Variants in NRG1 observed in about 807,000 individuals in gnomAD.
NRG1 encodes neuregulin 1.
Under a neutral mutation model 63.8 loss-of-function variants are expected in NRG1, and 18 were observed. That is an observed-to-expected ratio of 0.28 (90% CI 0.19 to 0.42). NRG1 has a LOEUF of 0.42. Ranked by LOEUF, NRG1 falls within the 10% of genes least tolerant of loss-of-function variation. NRG1 has a pLI of 1.00. For synonymous variants in NRG1, 302 were observed against 301.3 expected (o/e 1.00, Z -0.02); for missense variants, 762 against 814.7 (o/e 0.94, Z 0.79).
intron 1 of NRG1, among the ~76,000 whole-genome samples, chr8:31,766,082 C>G (rs1384433954): frequency 6.6e-6 from 1 of 151,942 alleles, no homozygotes; most frequent in Non-Finnish European, 1.5e-5. Context: ...TGAGAACATA[C>G]GAAGCCTACA....
intron 1 of NRG1, among the ~76,000 whole-genome samples, chr8:32,528,948 G>T (rs551062107): frequency 6.6e-6 from 1 of 152,268 alleles, no homozygotes. Context: ...ATTTGACAAC[G>T]ATAGCTTTAT....
chr8:32,423,588 G>A (rs575801243), intron 1 of NRG1, among the ~76,000 whole-genome samples: 110 of 152,204 alleles, frequency 7.2e-4, no homozygotes, highest in African/African-American at 2.6e-3. Context: ...GGAGGCTGCA[G>A]TGAGCCATGT....
At chr8:32,056,926 C>G (rs1823043119) in intron 1 of NRG1, among the ~76,000 whole-genome samples, 1 of 152,114 alleles carries the variant, frequency 6.6e-6, no homozygotes. Flanking sequence ...TTGGGAAATG[C>G]AGGTACTTTT....
intron 1 of NRG1, among the ~76,000 whole-genome samples, chr8:31,888,041 A>G (rs2129613578): frequency 6.6e-6 from 1 of 151,870 alleles, no homozygotes; most frequent in Non-Finnish European, 1.5e-5. Flanking sequence ...TATGTTACAT[A>G]TCAATATATA....
chr8:32,069,675 C>G (rs1486454617), intron 1 of NRG1, among the ~76,000 whole-genome samples: 3 of 152,046 alleles, frequency 2.0e-5, no homozygotes, highest in Non-Finnish European at 2.9e-5. Flanking sequence ...TGCTTGTGAC[C>G]CTGAGACTAG....
At chr8:32,380,134 C>A (rs1262298270) in intron 1 of NRG1, among the ~76,000 whole-genome samples, 1 of 152,076 alleles carries the variant, frequency 6.6e-6, no homozygotes, top group Admixed American at 6.6e-5. Flanking sequence ...AGTCACTTTT[C>A]TGTTCTTATT....
intron 1 of NRG1, among the ~76,000 whole-genome samples, chr8:32,446,620 A>G (rs945530900): frequency 6.6e-6 from 1 of 151,542 alleles, no homozygotes; most frequent in African/African-American, 2.4e-5. Flanking sequence ...GTGCCCCTGC[A>G]CTCCAACCTG....
intron 1 of NRG1, among the ~76,000 whole-genome samples, chr8:31,905,808 T>A (rs1401598209): frequency 6.6e-6 from 1 of 152,216 alleles, no homozygotes; most frequent in East Asian, 1.9e-4. Flanking sequence ...TTCTGTTCAT[T>A]GATCAACTAA....
intron 1 of NRG1, among the ~76,000 whole-genome samples, chr8:31,995,386 T>A (rs1811797093): frequency 6.6e-6 from 1 of 152,014 alleles, no homozygotes; most frequent in Non-Finnish European, 1.5e-5. Context: ...CAAAGGACTA[T>A]AATCCTGCAG....
At chr8:32,404,312 C>T (rs558572254) in intron 1 of NRG1, among the ~76,000 whole-genome samples, 1 of 152,156 alleles carries the variant, frequency 6.6e-6, no homozygotes, top group East Asian at 1.9e-4. Context: ...ATAGCAACCA[C>T]CTGATCTGCA....
upstream of NRG1, among the ~76,000 whole-genome samples, chr8:32,547,410 T>C (rs1833184421): frequency 1.3e-5 from 2 of 152,170 alleles, no homozygotes; most frequent in Non-Finnish European, 2.9e-5. Context: ...TCGGCAGAAC[T>C]GAGTGACTTT....
chr8:32,642,398 C>T (rs1016558321), intron 5 of NRG1, among the ~76,000 whole-genome samples: 5 of 149,782 alleles, frequency 3.3e-5, no homozygotes, highest in African/African-American at 1.2e-4. Context: ...TGAACATGTA[C>T]CCCAATAAAT....
chr8:32,272,901 GGAA>G (rs1033678942), intron 1 of NRG1, among the ~76,000 whole-genome samples: 1 of 152,086 alleles, frequency 6.6e-6, no homozygotes, highest in Admixed American at 6.6e-5. Flanking sequence ...ATTATTTAGG[GGAA>G]GAAGAAGGTT....
intron 1 of NRG1, among the ~76,000 whole-genome samples, chr8:31,698,279 G>C (rs1343952734): frequency 6.6e-6 from 1 of 152,162 alleles, no homozygotes; most frequent in Non-Finnish European, 1.5e-5. Flanking sequence ...TTATAAGGCA[G>C]ACAAGCTCGA....
In NRG1 at chr8:32,002,319, T is replaced by C. The variant is rs180902592; in HGVS notation, c.37+362888T>C. Among the ~76,000 whole-genome samples the C allele has an allele frequency of 3.2e-3, 488 of 152,140 alleles. 4 individuals carry two copies. Among genetic ancestry groups the C allele is most frequent in the African/African-American group, 0.011 (455 of 41,558 alleles). ...GATTACAGGCGTGAGCCACCATGCC[T>C]GGATGGAATTCTTTTGTATGGCAGA... On this transcript the variant is annotated intron_variant, in intron 1 of 10. Coordinates refer to the NRG1 transcript ENST00000519301.
intron 1 of NRG1, among the ~76,000 whole-genome samples, chr8:32,016,526 G>A (rs766365623): frequency 3.9e-5 from 6 of 152,082 alleles, no homozygotes; most frequent in Admixed American, 1.3e-4. Context: ...AAAATTACAA[G>A]AGATTGCCTG....
intron 1 of NRG1, among the ~76,000 whole-genome samples, chr8:31,875,104 T>C (rs772050186): frequency 1.3e-5 from 2 of 152,170 alleles, no homozygotes; most frequent in African/African-American, 2.4e-5. Context: ...GCCTTTCCCC[T>C]AATTTCTGGA....
chr8:32,742,136 T>C lies in NRG1; in HGVS notation c.633-539T>C, dbSNP rs998826036. 3.7e-6 allele frequency: 5 copies of C among 1,353,480 alleles called. No individual in the cohort carries two copies. The highest frequency in any genetic ancestry group is 1.8e-4 in the Middle Eastern group (1 of 5,588). 83.8% of individuals were successfully genotyped at this position (1,353,480 alleles called of 1,614,324 possible). A position where few individuals can be genotyped will look rare whatever the true frequency, so the allele number is the denominator to read the frequency against. ...CAACTACAGCAACAATCACTACCAC[T>C]TGGTGCTTTTACAGCTCAGTCGTAA... On this transcript the variant is annotated intron_variant, in intron 6 of 11. Transcript: ENST00000356819. The surrounding 1 kb of genome is among the most constrained non-coding windows in gnomAD (Gnocchi z 4.2).
At chr8:32,595,479 G>A (rs574781276) in intron 1 of NRG1, among the ~76,000 whole-genome samples, 17 of 152,144 alleles carry the variant, frequency 1.1e-4, no homozygotes, top group South Asian at 1.0e-3. Context: ...GTGAACCACC[G>A]TGCCCAGCCT....
Sources: gnomAD v4.1 joint callset for allele counts (sites outside exome capture counted in the v4.1 genomes callset) on GRCh38, gnomAD v4.1.1 for gene constraint, Gnocchi (gnomAD v3.1) non-coding constraint, MANE v1.5 for transcripts, NCBI Gene and HGNC (gene_info 2026-07-23, HGNC 2026-07-21) for gene names.